The following GRIA4 variants were observed in gnomAD, a reference collection of about 807,000 sequenced individuals.
GRIA4 encodes the protein glutamate ionotropic receptor AMPA type subunit 4, also known as glutamate receptor 4.
Under a neutral mutation model 104.0 loss-of-function variants are expected in GRIA4, and 34 were observed. The observed-to-expected ratio is 0.33, with a 90% CI of 0.25 to 0.44. The LOEUF is 0.44. Among genes scored for constraint, GRIA4 ranks in the 20% least tolerant of loss-of-function variants. GRIA4 has a pLI of 1.00. For missense variants in GRIA4, 750 were observed against 1,096.5 expected (o/e 0.68, Z 4.46); for synonymous variants, 386 against 381.9 (o/e 1.01, Z -0.13).
At chr11:105,893,035 T>C (rs191818639) in intron 6 of GRIA4, among the ~76,000 whole-genome samples, 30 of 152,220 alleles carry the variant, frequency 2.0e-4, no homozygotes, top group Admixed American at 4.6e-4. Flanking sequence ...CATTTTATTT[T>C]CCCCCAAAAG....
chr11:105,630,802 T>A (rs1454633269), intron 3 of GRIA4, among the ~76,000 whole-genome samples: 2 of 152,112 alleles, frequency 1.3e-5, no homozygotes, highest in Non-Finnish European at 2.9e-5. Flanking sequence ...ATCATAAAGA[T>A]CATTACTCAT....
intron 14 of GRIA4, among the ~76,000 whole-genome samples, chr11:105,958,064 C>T (rs1244860721): frequency 2.0e-5 from 3 of 152,124 alleles, no homozygotes; most frequent in African/African-American, 7.2e-5. Flanking sequence ...CAAACAGGGA[C>T]AATTTGACTT....
intron 4 of GRIA4, among the ~76,000 whole-genome samples, chr11:105,774,977 T>C (rs1403626333): frequency 6.6e-6 from 1 of 152,180 alleles, no homozygotes; most frequent in Non-Finnish European, 1.5e-5. Context: ...TTAGTTTCGC[T>C]AGGCTAAAAT....
intron 3 of GRIA4, among the ~76,000 whole-genome samples, chr11:105,620,012 T>C (rs894791517): frequency 1.3e-5 from 2 of 151,894 alleles, no homozygotes; most frequent in Admixed American, 1.3e-4. Context: ...CCTATAATTT[T>C]TATTTATTCT....
At chr11:105,763,126 C>G (rs1197602896) in intron 4 of GRIA4, among the ~76,000 whole-genome samples, 1 of 152,024 alleles carries the variant, frequency 6.6e-6, no homozygotes, top group Non-Finnish European at 1.5e-5. Flanking sequence ...GAGTTTAATA[C>G]TGTTTGAGGA....
chr11:105,915,598 G>T (rs891132620), intron 10 of GRIA4, among the ~76,000 whole-genome samples: 1 of 152,066 alleles, frequency 6.6e-6, no homozygotes, highest in Admixed American at 6.6e-5. Context: ...TATTTATTTA[G>T]TGCCTTCTAT....
chr11:105,624,080 TA>T (rs1253629276), intron 3 of GRIA4, among the ~76,000 whole-genome samples: 1 of 152,130 alleles, frequency 6.6e-6, no homozygotes, highest in East Asian at 1.9e-4. Flanking sequence ...AGATCCAAAA[TA>T]AATATTACAT....
At chr11:105,933,601 C>A in intron 13 of GRIA4, 121 bp from the exon 14 acceptor site, 1 of 668,664 alleles carries the variant, frequency 1.5e-6, no homozygotes, top group Non-Finnish European at 2.5e-6. Context: ...TACTCTGTGG[C>A]AAATTGGAGT....
chr11:105,636,182 T>C (rs1245162914), intron 3 of GRIA4, among the ~76,000 whole-genome samples: 1 of 152,204 alleles, frequency 6.6e-6, no homozygotes, highest in Non-Finnish European at 1.5e-5. Flanking sequence ...CAGTTCTTAT[T>C]AGATGATTTT....
chr11:105,727,126 C>T (rs966176609), intron 3 of GRIA4, among the ~76,000 whole-genome samples: 3 of 151,778 alleles, frequency 2.0e-5, no homozygotes, highest in African/African-American at 7.3e-5. Context: ...TGGAAGGAAG[C>T]TAAGAACTTG....
At chr11:105,858,552 A>C (rs1416937174) in intron 4 of GRIA4, among the ~76,000 whole-genome samples, 1 of 152,116 alleles carries the variant, frequency 6.6e-6, no homozygotes, top group African/African-American at 2.4e-5. Context: ...ATGTACAATA[A>C]ATTATTGTTG....
intron 5 of GRIA4, among the ~76,000 whole-genome samples, chr11:105,882,190 GC>G (rs1385852144): frequency 2.0e-5 from 3 of 152,112 alleles, no homozygotes; most frequent in African/African-American, 7.2e-5. Context: ...AATATGTTGT[GC>G]CATTTTCTCC....
chr11:105,620,440 A>G (rs1384620176), intron 3 of GRIA4, among the ~76,000 whole-genome samples: 2 of 151,858 alleles, frequency 1.3e-5, no homozygotes, highest in East Asian at 3.9e-4. Flanking sequence ...TTCTTAGCCA[A>G]TACAGGATTT....
chr11:105,817,132 T>G (rs1233048066), intron 4 of GRIA4, among the ~76,000 whole-genome samples: 1 of 152,032 alleles, frequency 6.6e-6, no homozygotes, highest in Non-Finnish European at 1.5e-5. Context: ...GCTTATCCTC[T>G]CAAAGCTGCA....
At chr11:105,858,551 A>T (rs1389279514) in intron 4 of GRIA4, among the ~76,000 whole-genome samples, 2 of 152,138 alleles carry the variant, frequency 1.3e-5, no homozygotes, top group Non-Finnish European at 2.9e-5. Context: ...AATGTACAAT[A>T]AATTATTGTT....
At position 105,879,571 on chromosome 11, in the gene GRIA4, C is replaced by T. The variant is rs80256531; in HGVS notation, c.673-7948C>T. 2.5e-3 allele frequency among the ~76,000 whole-genome samples: 387 copies of T among 152,304 alleles called. 3 individuals carry two copies. Among genetic ancestry groups the T allele is most frequent in the African/African-American group, 8.9e-3 (370 of 41,572 alleles). ...TATGCATATATGAAGAAACTGCAAACCCAGACTAGGATGCATTAAAGTTTA... is the reference window on the plus strand; with the variant it reads ...TATGCATATATGAAGAAACTGCAAATCCAGACTAGGATGCATTAAAGTTTA... On this transcript the variant is annotated intron_variant, in intron 5 of 16. Coordinates refer to ENST00000282499, the MANE Select transcript of GRIA4 (RefSeq NM_000829.4).
intron 3 of GRIA4, among the ~76,000 whole-genome samples, chr11:105,615,622 A>C (rs190838685): frequency 3.3e-5 from 5 of 151,880 alleles, no homozygotes; most frequent in Non-Finnish European, 7.4e-5. Flanking sequence ...GGACATTTAA[A>C]AAATAAATTT....
intron 14 of GRIA4, among the ~76,000 whole-genome samples, chr11:105,961,273 A>G (rs1004232899): frequency 2.6e-5 from 4 of 152,216 alleles, no homozygotes; most frequent in Non-Finnish European, 5.9e-5. Flanking sequence ...TTTAACTTCA[A>G]ATAAGGCTGA....
At chr11:105,959,258 A>T (rs1948673555) in intron 14 of GRIA4, among the ~76,000 whole-genome samples, 1 of 152,086 alleles carries the variant, frequency 6.6e-6, no homozygotes, top group Non-Finnish European at 1.5e-5. Context: ...AATCAATCGT[A>T]GGTTCTGTCC....
Sources: allele counts gnomAD v4.1 joint callset (sites outside exome capture counted in the v4.1 genomes callset), GRCh38; gene constraint gnomAD v4.1.1; transcripts MANE v1.5; gene names NCBI Gene and HGNC (gene_info 2026-07-23, HGNC 2026-07-21).